Variants in DIAPH3 observed in about 807,000 individuals in gnomAD.
The protein encoded by DIAPH3 is diaphanous related formin 3.
Under a neutral mutation model 144.3 loss-of-function variants are expected in DIAPH3, and 117 were observed. That is an observed-to-expected ratio of 0.81 (90% CI 0.70 to 0.95). The LOEUF (loss-of-function observed/expected upper bound fraction) is 0.95. DIAPH3 is among the 40% of genes least tolerant of loss of function. The pLI is 0.00. For missense variants in DIAPH3, 1,421 were observed against 1,412.7 expected (o/e 1.01, Z -0.09); for synonymous variants, 519 against 488.9 (o/e 1.06, Z -0.81).
chr13:60,139,873 C>G (rs1186676919), intron 1 of DIAPH3, among the ~76,000 whole-genome samples: 1 of 152,150 alleles, frequency 6.6e-6, no homozygotes, highest in Non-Finnish European at 1.5e-5. Flanking sequence ...TATTTCAGTT[C>G]TTTTCACCTA....
At chr13:59,694,574 A>G (rs769756362) in intron 27 of DIAPH3, among the ~76,000 whole-genome samples, 3 of 152,196 alleles carry the variant, frequency 2.0e-5, no homozygotes, top group Non-Finnish European at 4.4e-5. Context: ...AAAACGCTTG[A>G]TTGTTAAAAT....
At chr13:60,124,910 A>C (rs1417456216) in intron 2 of DIAPH3, among the ~76,000 whole-genome samples, 1 of 152,098 alleles carries the variant, frequency 6.6e-6, no homozygotes, top group Non-Finnish European at 1.5e-5. Context: ...AAAGGATAGT[A>C]CTTAAATGGC....
intron 27 of DIAPH3, among the ~76,000 whole-genome samples, chr13:59,752,652 G>A (rs1593754471): frequency 6.6e-6 from 1 of 152,276 alleles, no homozygotes; most frequent in South Asian, 2.1e-4. Context: ...ACAGACGTGA[G>A]CCACTGCACC....
chr13:59,900,589 G>A (rs1409611170), intron 20 of DIAPH3, among the ~76,000 whole-genome samples: 1 of 152,174 alleles, frequency 6.6e-6, no homozygotes, highest in Non-Finnish European at 1.5e-5. Context: ...CTGATGATGT[G>A]CCCCTCTCCA....
At chr13:59,684,958 T>C (rs2033139819) in intron 27 of DIAPH3, among the ~76,000 whole-genome samples, 1 of 152,134 alleles carries the variant, frequency 6.6e-6, no homozygotes, top group African/African-American at 2.4e-5. Context: ...CAGAATAATA[T>C]GTCCTATGAG....
intron 12 of DIAPH3, among the ~76,000 whole-genome samples, chr13:59,985,784 T>A (rs2051357247): frequency 1.0e-5 from 1 of 97,388 alleles, no homozygotes; most frequent in Non-Finnish European, 2.1e-5. Context: ...AAGGACCTCT[T>A]CAAGGAGAAC....
intron 4 of DIAPH3, among the ~76,000 whole-genome samples, chr13:60,063,498 G>A (rs145717183): frequency 3.2e-4 from 49 of 152,116 alleles, no homozygotes; most frequent in Non-Finnish European, 5.4e-4. Context: ...TATCCAGAAG[G>A]TTTTCCATGA....
intron 27 of DIAPH3, among the ~76,000 whole-genome samples, chr13:59,746,457 C>G (rs1025964446): frequency 4.0e-5 from 6 of 151,808 alleles, no homozygotes; most frequent in Admixed American, 6.6e-5. Flanking sequence ...CTCCTGACCT[C>G]AAGTGATCTG....
At chr13:59,813,685 C>CT (rs2040612295) in intron 24 of DIAPH3, among the ~76,000 whole-genome samples, 1 of 151,852 alleles carries the variant, frequency 6.6e-6, no homozygotes, top group Non-Finnish European at 1.5e-5. Context: ...GAAACCCCGT[C>CT]TCTACTAAAA....
intron 27 of DIAPH3, among the ~76,000 whole-genome samples, chr13:59,695,787 A>G (rs2033768728): frequency 6.6e-6 from 1 of 152,216 alleles, no homozygotes; most frequent in South Asian, 2.1e-4. Flanking sequence ...AAAATTAAGT[A>G]CTAGAATAAA....
intron 25 of DIAPH3, among the ~76,000 whole-genome samples, chr13:59,778,937 C>CA (rs1387751337): frequency 3.3e-5 from 5 of 151,838 alleles, no homozygotes; most frequent in African/African-American, 9.7e-5. Flanking sequence ...TTTTAATTTT[C>CA]TTTTTTTTGC....
intron 27 of DIAPH3, among the ~76,000 whole-genome samples, chr13:59,724,722 G>T (rs1218675099): frequency 6.6e-6 from 1 of 152,116 alleles, no homozygotes; most frequent in East Asian, 1.9e-4. Context: ...TTTCCTTTAT[G>T]GTAGTCACAG....
intron 27 of DIAPH3, among the ~76,000 whole-genome samples, chr13:59,715,921 T>TAA (rs2035028625): frequency 6.6e-6 from 1 of 152,036 alleles, no homozygotes; most frequent in Non-Finnish European, 1.5e-5. Context: ...TACTGAGCAC[T>TAA]TCTAAGGATA....
At chr13:60,128,199 T>C (rs922380068) in intron 2 of DIAPH3, among the ~76,000 whole-genome samples, 1 of 152,172 alleles carries the variant, frequency 6.6e-6, no homozygotes, top group African/African-American at 2.4e-5. Context: ...CTAAGGATAA[T>C]GGCCTCCAGC....
At chr13:59,871,793 A>T (rs922634029) in intron 21 of DIAPH3, among the ~76,000 whole-genome samples, 7 of 152,146 alleles carry the variant, frequency 4.6e-5, no homozygotes, top group African/African-American at 1.7e-4. Context: ...ATAGATTCAG[A>T]TTATCCATTT....
intron 25 of DIAPH3, among the ~76,000 whole-genome samples, chr13:59,775,791 C>G (rs34189072): frequency 6.6e-6 from 1 of 152,104 alleles, no homozygotes; most frequent in Non-Finnish European, 1.5e-5. Flanking sequence ...ATCAAAAGGA[C>G]TGCACTCCAT....
At chr13:59,682,977 TAA>T (rs1049711788) in intron 27 of DIAPH3, among the ~76,000 whole-genome samples, 2 of 152,234 alleles carry the variant, frequency 1.3e-5, no homozygotes, top group African/African-American at 4.8e-5. Context: ...TATTTCATCA[TAA>T]GATTCTACAT....
At chr13:59,915,023 C>A (rs1368377382) in intron 19 of DIAPH3, among the ~76,000 whole-genome samples, 1 of 152,088 alleles carries the variant, frequency 6.6e-6, no homozygotes, top group Non-Finnish European at 1.5e-5. Context: ...AACAAAACCA[C>A]ATGTTCATTT....
chr13:59,811,694 A>AC (rs1223834876), intron 24 of DIAPH3, among the ~76,000 whole-genome samples: 2 of 141,396 alleles, frequency 1.4e-5, no homozygotes, highest in Non-Finnish European at 3.0e-5. Context: ...CCGAGATCGC[A>AC]CCACTGCACT....
Sources: allele counts gnomAD v4.1 joint callset (sites outside exome capture counted in the v4.1 genomes callset), GRCh38; gene constraint gnomAD v4.1.1; transcripts MANE v1.5; gene names NCBI Gene and HGNC (gene_info 2026-07-23, HGNC 2026-07-21).